Variants in LIPC observed in about 807,000 individuals in gnomAD.
LIPC encodes lipase C, hepatic type, also known as hepatic triacylglycerol lipase.
In LIPC, 44 loss-of-function variants were observed where a neutral mutation model predicts 50.7. That is an observed-to-expected ratio of 0.87 (90% CI 0.68 to 1.11). The LOEUF (loss-of-function observed/expected upper bound fraction) is 1.11. Among genes scored for constraint, LIPC ranks in the 50% most tolerant of loss-of-function variants. The pLI, the probability that LIPC is intolerant of heterozygous loss-of-function variation, is 0.00. For missense variants in LIPC, 697 were observed against 648.2 expected (o/e 1.08, Z -0.82); for synonymous variants, 271 against 256.4 (o/e 1.06, Z -0.54).
intron 1 of LIPC, among the ~76,000 whole-genome samples, chr15:58,481,481 C>T (rs1372890943): frequency 3.3e-5 from 5 of 152,052 alleles, no homozygotes; most frequent in African/African-American, 1.2e-4. Context: ...AGGATATATC[C>T]ATGTACAAGA....
intron 1 of LIPC, among the ~76,000 whole-genome samples, chr15:58,505,736 G>A (rs1892126195): frequency 6.6e-6 from 1 of 152,116 alleles, no homozygotes; most frequent in African/African-American, 2.4e-5. Context: ...CACCCTCCTT[G>A]GAACAAGCTC....
At chr15:58,497,817 G>T (rs1360945935) in intron 1 of LIPC, 1 of 152,176 alleles carries the variant, frequency 6.6e-6, no homozygotes, top group African/African-American at 2.4e-5. Flanking sequence ...GTCCTCCCTT[G>T]GGCTCAGCAG....
chr15:58,460,541 C>G (rs1894307370), intron 1 of LIPC, among the ~76,000 whole-genome samples: 1 of 152,252 alleles, frequency 6.6e-6, no homozygotes, highest in Admixed American at 6.5e-5. Context: ...TCCACCCTCA[C>G]TCTCACCCTG....
intron 1 of LIPC, among the ~76,000 whole-genome samples, chr15:58,478,831 A>C (rs532579465): frequency 1.3e-5 from 2 of 152,368 alleles, no homozygotes; most frequent in South Asian, 4.1e-4. Context: ...GCCACCAGCA[A>C]TCAATGCATG....
chr15:58,568,350 G>C (rs746983525), intron 8 of LIPC, among the ~76,000 whole-genome samples: 1 of 152,214 alleles, frequency 6.6e-6, no homozygotes, highest in Non-Finnish European at 1.5e-5. Context: ...AGGAGGAAGG[G>C]TTGAGGAACT....
At chr15:58,506,213 G>A (rs1168862479) in intron 1 of LIPC, among the ~76,000 whole-genome samples, 8 of 152,176 alleles carry the variant, frequency 5.3e-5, no homozygotes, top group African/African-American at 1.9e-4. Flanking sequence ...CAGGAGGGGA[G>A]AGGCTGTGCA....
At chr15:58,523,545 G>C (rs1341803751) in intron 1 of LIPC, among the ~76,000 whole-genome samples, 1 of 148,910 alleles carries the variant, frequency 6.7e-6, no homozygotes, top group Non-Finnish European at 1.5e-5. Flanking sequence ...GGGCTGCAGG[G>C]GTAGGTGAAC....
At chr15:58,541,613 G>A in intron 2 of LIPC, 172 bp from the exon 3 acceptor site, 1 of 701,298 alleles carries the variant, frequency 1.4e-6, no homozygotes, top group Non-Finnish European at 2.5e-6. Context: ...ATCGTACAAT[G>A]CCCAAGACAG....
chr15:58,446,640 T>A (rs927163650), intron 1 of LIPC, among the ~76,000 whole-genome samples: 1 of 152,090 alleles, frequency 6.6e-6, no homozygotes, highest in Non-Finnish European at 1.5e-5. Flanking sequence ...CTTGCGGACC[T>A]CTCTCCCATG....
At chr15:58,485,145 T>C (rs1258924219) in intron 1 of LIPC, among the ~76,000 whole-genome samples, 3 of 152,120 alleles carry the variant, frequency 2.0e-5, no homozygotes, top group Non-Finnish European at 4.4e-5. Context: ...CATCCACTGA[T>C]CACTTGGGCT....
intron 1 of LIPC, among the ~76,000 whole-genome samples, chr15:58,455,456 G>T (rs1894077342): frequency 6.6e-6 from 1 of 152,144 alleles, no homozygotes; most frequent in Admixed American, 6.5e-5. Context: ...TGTTAGTAAT[G>T]AAGATTAAAT....
At chr15:58,445,365 C>A (rs904329475) in intron 1 of LIPC, among the ~76,000 whole-genome samples, 2 of 152,242 alleles carry the variant, frequency 1.3e-5, no homozygotes, top group African/African-American at 4.8e-5. Flanking sequence ...AGGCTGGCTT[C>A]AGCCAGGGGG....
At position 58,538,580 on chromosome 15, in the gene LIPC, G is replaced by A. The variant is rs1422987303; in HGVS notation, c.273+63G>A. On this transcript the variant is annotated intron_variant, in intron 2 of 8. Coordinates refer to ENST00000299022, the MANE Select transcript of LIPC (RefSeq NM_000236.3). ...CACATTTTCTTTTTTTCTTTCTAGC[G>A]TGTTCATGTTCATAAAAAGATAGGG... 167 of 1,502,224 alleles carry A rather than the reference G, an allele frequency of 1.1e-4. 4 individuals are homozygous for A. The South Asian group carries it at 1.5e-3, about 14-fold the overall frequency. 93.1% of individuals were successfully genotyped at this position (1,502,224 alleles called of 1,614,324 possible). A position where few individuals can be genotyped will look rare whatever the true frequency, so the allele number is the denominator to read the frequency against.
intron 1 of LIPC, among the ~76,000 whole-genome samples, chr15:58,491,427 C>CT (rs1461990329): frequency 2.6e-5 from 4 of 152,214 alleles, no homozygotes; most frequent in Non-Finnish European, 5.9e-5. Context: ...ATAATACTAT[C>CT]TTGGTTGTCA....
At chr15:58,534,396 C>T (rs1893050241) in intron 1 of LIPC, among the ~76,000 whole-genome samples, 1 of 152,114 alleles carries the variant, frequency 6.6e-6, no homozygotes, top group South Asian at 2.1e-4. Flanking sequence ...AGGCTCAGAC[C>T]CCTGGGCTTC....
At chr15:58,463,920 A>C (rs1162146808) in intron 1 of LIPC, among the ~76,000 whole-genome samples, 1 of 152,240 alleles carries the variant, frequency 6.6e-6, no homozygotes, top group African/African-American at 2.4e-5. Context: ...TTCTGACCCG[A>C]AAAGCAAAAA....
At chr15:58,442,197 T>C (rs1893531014) in intron 1 of LIPC, among the ~76,000 whole-genome samples, 1 of 152,212 alleles carries the variant, frequency 6.6e-6, no homozygotes, top group Admixed American at 6.5e-5. Context: ...CTGATTAGAA[T>C]GGTCATCGTG....
At chr15:58,539,661 G>A (rs1489952372) in intron 2 of LIPC, among the ~76,000 whole-genome samples, 1 of 152,006 alleles carries the variant, frequency 6.6e-6, no homozygotes, top group Non-Finnish European at 1.5e-5. Context: ...CTATCCTGGA[G>A]AGGAAAATGA....
chr15:58,552,385 G>C (rs745526659), intron 6 of LIPC, among the ~76,000 whole-genome samples: 1 of 152,152 alleles, frequency 6.6e-6, no homozygotes, highest in Admixed American at 6.5e-5. Flanking sequence ...ACTTGGCCTC[G>C]GCGTAGGACC....
Sources: allele counts gnomAD v4.1 joint callset (sites outside exome capture counted in the v4.1 genomes callset), GRCh38; gene constraint gnomAD v4.1.1; transcripts MANE v1.5; gene names NCBI Gene and HGNC (gene_info 2026-07-23, HGNC 2026-07-21).